CACNA1G: variants seen among roughly 807,000 people sequenced by gnomAD.
CACNA1G encodes calcium voltage-gated channel subunit alpha1 G, also known as voltage-dependent T-type calcium channel subunit alpha-1G.
CACNA1G carries 67 observed loss-of-function variants against 219.4 expected under a neutral mutation model. That is an observed-to-expected ratio of 0.31 (90% CI 0.25 to 0.37). The LOEUF (loss-of-function observed/expected upper bound fraction) is 0.37. Among genes scored for constraint, CACNA1G ranks in the 10% least tolerant of loss-of-function variants. The pLI is 1.00. For synonymous variants in CACNA1G, 1,296 were observed against 1,345.3 expected (o/e 0.96, Z 0.80); for missense variants, 2,380 against 3,231.4 (o/e 0.74, Z 6.39).
At chr17:50,589,592 A>C (rs2145420823) in intron 9 of CACNA1G, among the ~76,000 whole-genome samples, 1 of 152,186 alleles carries the variant, frequency 6.6e-6, no homozygotes, top group South Asian at 2.1e-4. Flanking sequence ...CTGGAATGGC[A>C]GATGAGACAG....
intron 5 of CACNA1G, 84 bp from the exon 6 acceptor site, chr17:50,572,470 C>T (rs2039674089): frequency 1.7e-6 from 2 of 1,204,824 alleles, no homozygotes; most frequent in Admixed American, 2.7e-5. Flanking sequence ...GCCTCGAGCA[C>T]TCGTGCCATC....
chr17:50,580,730 G>GA (rs2041774204), intron 9 of CACNA1G, among the ~76,000 whole-genome samples: 1 of 152,158 alleles, frequency 6.6e-6, no homozygotes. Flanking sequence ...CTCCAGGGAG[G>GA]GTTTTGTCCG....
chr17:50,618,599 C>A lies in CACNA1G; in HGVS notation c.5428-56C>A. On this transcript the variant is annotated intron_variant, in intron 32 of 37. Coordinates refer to ENST00000359106, the MANE Select transcript of CACNA1G (RefSeq NM_018896.5). This position sits in a 1 kb window ranked among gnomAD's most constrained non-coding sequence, Gnocchi z 5.3. ...GTGACACCAGTGACCTGATTTTCCA[C>A]AACAGCTCCAACAACTGTCCTCCCC... The A allele has an allele frequency of 7.3e-7, 1 of 1,374,796 alleles. No homozygotes were observed. Among genetic ancestry groups the A allele is most frequent in the Non-Finnish European group, 1.0e-6 (1 of 981,650 alleles). 85.2% of individuals were successfully genotyped at this position (1,374,796 alleles called of 1,614,324 possible). A position where few individuals can be genotyped will look rare whatever the true frequency, so the allele number is the denominator to read the frequency against.
rs1425167027 is a variant in CACNA1G at position 50,624,444 on chromosome 17, C to T, written c.6314C>T (p.Pro2105Leu). The T allele has an allele frequency of 6.3e-7, 1 of 1,599,806 alleles. No homozygotes were observed. The highest frequency in any genetic ancestry group is 1.7e-5 in the Admixed American group (1 of 58,630). Residue 2105 changes from proline (P) to leucine (L), a missense_variant, in exon 37 of 38, where the codon CCC becomes CTC. Around this residue, in one of 17 missense-constraint regions of CACNA1G, gnomAD observed 672 missense variants for 670.5 expected, o/e 1.00. Transcript: ENST00000359106. The stretch of plus-strand genomic sequence containing the variant: ...AAAGATGCACCTCATCTGCTCCAGC[C>T]CCACAGCGCCCCAACCTGGGGCACC... ...LPKDAPHLLQ[P>L]HSAPTWGTIP...
chr17:50,584,809 A>G (rs1156695352), intron 9 of CACNA1G, among the ~76,000 whole-genome samples: 4 of 151,994 alleles, frequency 2.6e-5, no homozygotes, highest in African/African-American at 9.7e-5. Context: ...CAGAGTCCAG[A>G]AGGATTGAGG....
intron 4 of CACNA1G, among the ~76,000 whole-genome samples, chr17:50,570,320 G>T (rs541008473): frequency 6.6e-6 from 1 of 152,154 alleles, no homozygotes; most frequent in African/African-American, 2.4e-5. Context: ...TAACTGCCGG[G>T]CCCATTATCT....
intron 4 of CACNA1G, among the ~76,000 whole-genome samples, 167 bp downstream of exon 4, chr17:50,569,970 T>C (rs2038995859): frequency 6.6e-6 from 1 of 152,148 alleles, no homozygotes; most frequent in Admixed American, 6.5e-5. Context: ...AACTCCTGAA[T>C]GTGGCACTAT....
chr17:50,561,113 G>T lies in CACNA1G; in HGVS notation c.-347G>T. On this transcript the variant is annotated 5_prime_UTR_variant, in exon 1 of 38. Coordinates refer to ENST00000359106, the MANE Select transcript of CACNA1G (RefSeq NM_018896.5). Reference sequence around the variant, plus strand: ...CCTTTTCGTTCGCCCTCTCGGGGCGGCTTCGCCGAAGGTAGCGCCGAATCC... The same window carrying T: ...CCTTTTCGTTCGCCCTCTCGGGGCGTCTTCGCCGAAGGTAGCGCCGAATCC... The T allele has an allele frequency of 6.4e-6, 3 of 471,232 alleles. No homozygotes were observed. The highest frequency in any genetic ancestry group is 8.1e-6 in the Non-Finnish European group (2 of 247,478). 29.2% of individuals were successfully genotyped at this position (471,232 alleles called of 1,614,324 possible).
chr17:50,573,149 A>T, intron 7 of CACNA1G, 36 bp downstream of exon 7: 1 of 1,461,964 alleles, frequency 6.8e-7, no homozygotes, highest in Non-Finnish European at 9.4e-7. Context: ...GGGATGGGCG[A>T]TCCTGGGGAC....
rs2053842594 is a variant in CACNA1G, at chr17:50,626,532, ACTC to A, written c.6916_6918del (p.Leu2306del). The stretch of plus-strand genomic sequence containing the variant: ...GGCCTGGGAGCCGGCCCAAGAAAAA[ACTC>A]AGCCCGCCTAGTATCACCATAGACC... On this transcript the variant is annotated inframe_deletion, in exon 38 of 38. Coordinates refer to ENST00000359106, the MANE Select transcript of CACNA1G (RefSeq NM_018896.5). This position sits in a 1 kb window ranked among gnomAD's most constrained non-coding sequence, Gnocchi z 4.3. 6.4e-7 allele frequency: 1 copy of A among 1,569,902 alleles called. No homozygotes were observed. The highest frequency in any genetic ancestry group is 8.6e-7 in the Non-Finnish European group (1 of 1,160,348).
At position 50,619,713 on chromosome 17, in the gene CACNA1G, C is replaced by A; in HGVS notation, c.5812C>A (p.Leu1938Met). 1 of 1,610,788 alleles carries A rather than the reference C, an allele frequency of 6.2e-7. No homozygotes were observed. The highest frequency in any genetic ancestry group is 8.5e-7 in the Non-Finnish European group (1 of 1,179,472). ...GCAGCTGTTTGACACCATATCCCTGCTGATCCAGGGCTCCCTGGAGTGGGA... is the reference window on the plus strand; with the variant it reads ...GCAGCTGTTTGACACCATATCCCTGATGATCCAGGGCTCCCTGGAGTGGGA... ...DRQLFDTISL[L>M]IQGSLEWELK... The change falls in exon 34 of 38, where the codon CTG becomes ATG. Residue 1938 changes from leucine (L) to methionine (M), a missense_variant. By Grantham distance (15) the Leu-to-Met change is conservative (BLOSUM62 2). Around this residue, in one of 17 missense-constraint regions of CACNA1G, gnomAD observed 672 missense variants for 670.5 expected, o/e 1.00. Coordinates refer to ENST00000359106, the MANE Select transcript of CACNA1G (RefSeq NM_018896.5).
At chr17:50,592,581 G>A (rs961621087) in intron 13 of CACNA1G, among the ~76,000 whole-genome samples, 2 of 152,192 alleles carry the variant, frequency 1.3e-5, no homozygotes, top group East Asian at 1.9e-4. Flanking sequence ...AATTAGCTAC[G>A]GGCATGGCAG....
chr17:50,624,604 C>A, intron 37 of CACNA1G, 75 bp downstream of exon 37: 1 of 1,319,040 alleles, frequency 7.6e-7, no homozygotes, highest in Non-Finnish European at 1.0e-6. Flanking sequence ...TGTGTTGACA[C>A]TTTCATTCTT....
At chr17:50,593,329 G>A (rs1233350389) in intron 13 of CACNA1G, among the ~76,000 whole-genome samples, 1 of 152,216 alleles carries the variant, frequency 6.6e-6, no homozygotes, top group Non-Finnish European at 1.5e-5. Context: ...GGCCCCTTCT[G>A]AAGGCAGCTC....
chr17:50,604,027 C>T (rs1354937949), intron 21 of CACNA1G, 128 bp from the exon 22 acceptor site: 14 of 916,650 alleles, frequency 1.5e-5, no homozygotes, highest in Non-Finnish European at 2.0e-5. Context: ...GAAAAGAGGA[C>T]TTGTGTTCTG....
intron 26 of CACNA1G, among the ~76,000 whole-genome samples, chr17:50,612,889 GCTC>G (rs2049545231): frequency 1.3e-5 from 2 of 152,332 alleles, no homozygotes; most frequent in Admixed American, 6.5e-5. Context: ...ACAGGTCCAG[GCTC>G]CTCCTGGACT....
rs973081998 is a variant in CACNA1G, at chr17:50,603,374, A to G, written c.4169+175A>G. On this transcript the variant is annotated intron_variant, in intron 21 of 37. Coordinates refer to ENST00000359106, the MANE Select transcript of CACNA1G (RefSeq NM_018896.5). This position sits in a 1 kb window ranked among gnomAD's most constrained non-coding sequence, Gnocchi z 6.4. ...CAGACAACACTCAGATTACGGCCGC[A>G]GTAATTTCCCTCCAGGTGCACACCT... Among the ~76,000 whole-genome samples the G allele has an allele frequency of 1.3e-5, 2 of 152,194 alleles. No homozygotes were observed. Among genetic ancestry groups the G allele is most frequent in the Non-Finnish European group, 2.9e-5 (2 of 68,016 alleles).
intron 1 of CACNA1G, among the ~76,000 whole-genome samples, chr17:50,564,457 G>A (rs1020663187): frequency 6.7e-6 from 1 of 149,996 alleles, no homozygotes; most frequent in Non-Finnish European, 1.5e-5. Context: ...TGCCGAGAGA[G>A]GGGGAGTGGG....
rs2045506267 is a variant in CACNA1G at position 50,596,200 on chromosome 17, T to A, written c.2980-362T>A. Among the ~76,000 whole-genome samples, 1 of 152,172 alleles carries A rather than the reference T, an allele frequency of 6.6e-6. No homozygotes were observed. Among genetic ancestry groups the A allele is most frequent in the South Asian group, 2.1e-4 (1 of 4,836 alleles). On this transcript the variant is annotated intron_variant, in intron 14 of 37. Transcript: ENST00000359106. This position sits in a 1 kb window ranked among gnomAD's most constrained non-coding sequence, Gnocchi z 4.8. ...TGAACTTTTGCAAGAGAGGCTCTAG[T>A]GACCACTTCACTCAGGTCCCCAGGT...
Sources: gnomAD v4.1 joint callset for allele counts (sites outside exome capture counted in the v4.1 genomes callset) on GRCh38, gnomAD v4.1.1 for gene constraint, gnomAD v4.1.1 regional missense constraint, Gnocchi (gnomAD v3.1) non-coding constraint, MANE v1.5 for transcripts, NCBI Gene and HGNC (gene_info 2026-07-23, HGNC 2026-07-21) for gene names.